RELN: variants seen among roughly 807,000 people sequenced by gnomAD.
RELN encodes the protein reelin.
In RELN, 108 loss-of-function variants were observed where a neutral mutation model predicts 427.6. That is an observed-to-expected ratio of 0.25 (90% CI 0.22 to 0.30). The LOEUF (loss-of-function observed/expected upper bound fraction) is 0.30, where lower values mean the gene tolerates loss of function less well. RELN is among the 10% of genes least tolerant of loss of function. The pLI is 1.00. For missense variants in RELN, 3,715 were observed against 4,302.8 expected, an observed-to-expected ratio of 0.86 and a Z score of 3.82; for synonymous variants, 1,524 against 1,513.4, an observed-to-expected ratio of 1.01 and a Z score of -0.16.
chr7:103,971,582 A>AC lies in RELN; in HGVS notation c.226+17548dup, dbSNP rs374688255. Among the ~76,000 whole-genome samples the AC allele has an allele frequency of 3.7e-3, 564 of 152,334 alleles. 1 individual carries two copies. The highest frequency in any genetic ancestry group is 0.013 in the African/African-American group (548 of 41,576). ...ACCAAAGACTAAAAAGAATTATATCACCCAGCATTTAGTGTGTGTATGCAG... is the reference window on the plus strand; with the variant it reads ...ACCAAAGACTAAAAAGAATTATATCACCCCAGCATTTAGTGTGTGTATGCAG... On this transcript the variant is annotated intron_variant, in intron 1 of 64. Coordinates refer to ENST00000428762, the MANE Select transcript of RELN (RefSeq NM_005045.4).
At chr7:103,855,984 A>C (rs563937036) in intron 2 of RELN, among the ~76,000 whole-genome samples, 15 of 152,264 alleles carry the variant, frequency 9.9e-5, no homozygotes, top group Admixed American at 8.5e-4. Context: ...ATACAAGTCA[A>C]CCCACAATAT....
chr7:103,905,269 C>A (rs963084611), intron 2 of RELN, among the ~76,000 whole-genome samples: 7 of 152,092 alleles, frequency 4.6e-5, no homozygotes, highest in African/African-American at 1.7e-4. Flanking sequence ...TGAGCCACTG[C>A]TTCCTGCCCT....
chr7:103,489,000 A>G (rs1828546768), intron 60 of RELN, among the ~76,000 whole-genome samples: 1 of 152,236 alleles, frequency 6.6e-6, no homozygotes, highest in African/African-American at 2.4e-5. Flanking sequence ...AATGTTAACT[A>G]TGGAAAGCGA....
At chr7:103,520,960 T>TG (rs1829689534) in intron 48 of RELN, among the ~76,000 whole-genome samples, 4 of 94,800 alleles carry the variant, frequency 4.2e-5, no homozygotes, top group African/African-American at 4.5e-5. Context: ...ATTTGTTATT[T>TG]TTTTTTTTTT....
intron 38 of RELN, among the ~76,000 whole-genome samples, chr7:103,555,391 C>G (rs971980523): frequency 4.6e-5 from 7 of 152,218 alleles, no homozygotes; most frequent in African/African-American, 1.7e-4. Flanking sequence ...CTAATCCTAT[C>G]AGTGTTCTAA....
At position 103,919,661 on chromosome 7, in the gene RELN, T is replaced by C. The variant is rs188683587; in HGVS notation, c.227-2476A>G. Reference sequence around the variant, plus strand: ...CTCCACACGCGCACCAGCTCTAATCTTTCCTCTGTGCCCTGACGACTTTCT... The same window carrying C: ...CTCCACACGCGCACCAGCTCTAATCCTTCCTCTGTGCCCTGACGACTTTCT... On this transcript the variant is annotated intron_variant, in intron 1 of 64. Transcript: ENST00000428762. 4.4e-4 allele frequency among the ~76,000 whole-genome samples: 67 copies of C among 152,270 alleles called. No individual in the cohort carries two copies. In the East Asian group the frequency reaches 0.011, roughly 26 times the overall value.
chr7:103,537,940 G>A (rs918483553), intron 45 of RELN, among the ~76,000 whole-genome samples: 3 of 152,184 alleles, frequency 2.0e-5, no homozygotes, highest in Non-Finnish European at 4.4e-5. Context: ...GTCATCTCTT[G>A]CTCCTTTGAG....
intron 51 of RELN, among the ~76,000 whole-genome samples, chr7:103,510,481 G>A (rs531458080): frequency 1.3e-5 from 2 of 150,546 alleles, no homozygotes; most frequent in African/African-American, 4.9e-5. Flanking sequence ...GCACTGTGGG[G>A]CCTGTCGGGG....
At chr7:103,623,919 T>TA (rs1832271760) in intron 20 of RELN, among the ~76,000 whole-genome samples, 1 of 152,196 alleles carries the variant, frequency 6.6e-6, no homozygotes, top group Admixed American at 6.6e-5. Flanking sequence ...CCTTATAACC[T>TA]ACACGTACCT....
intron 2 of RELN, among the ~76,000 whole-genome samples, chr7:103,870,630 A>G (rs188426047): frequency 9.9e-5 from 15 of 152,184 alleles, no homozygotes; most frequent in Non-Finnish European, 1.6e-4. Flanking sequence ...TATCTCAGCT[A>G]GATGCCCAGA....
At chr7:103,517,215 C>CT (rs1189006102) in intron 49 of RELN, among the ~76,000 whole-genome samples, 1 of 151,636 alleles carries the variant, frequency 6.6e-6, no homozygotes, top group African/African-American at 2.4e-5. Flanking sequence ...TGAGATGTTC[C>CT]TAACATTTAC....
At chr7:103,903,154 C>T (rs956263719) in intron 2 of RELN, among the ~76,000 whole-genome samples, 8 of 151,978 alleles carry the variant, frequency 5.3e-5, no homozygotes, top group Non-Finnish European at 1.0e-4. Flanking sequence ...AAGTTTATTC[C>T]CTGAAGCGTA....
chr7:103,963,131 C>CTTTTTTTTTTTTTT (rs767207596), intron 1 of RELN, among the ~76,000 whole-genome samples: 1 of 53,762 alleles, frequency 1.9e-5, no homozygotes. Flanking sequence ...CTCTTTTCGC[C>CTTTTTTTTTTTTTT]TTCTTTTTTT....
intron 8 of RELN, among the ~76,000 whole-genome samples, chr7:103,717,614 T>C (rs1401493556): frequency 6.6e-6 from 1 of 151,950 alleles, no homozygotes; most frequent in African/African-American, 2.4e-5. Context: ...AACATATGTA[T>C]TATTTTTGCC....
chr7:103,948,395 G>A (rs758142855), intron 1 of RELN, among the ~76,000 whole-genome samples: 3 of 151,938 alleles, frequency 2.0e-5, no homozygotes, highest in East Asian at 1.9e-4. Context: ...ATTTGGGGCC[G>A]AGTGTGGTGA....
intron 8 of RELN, among the ~76,000 whole-genome samples, chr7:103,708,357 A>G (rs1353499990): frequency 6.6e-6 from 1 of 152,192 alleles, no homozygotes; most frequent in Non-Finnish European, 1.5e-5. Flanking sequence ...AAAAGTAGGA[A>G]AAACAGACCT....
At chr7:103,628,908 A>G (rs1243740888) in intron 20 of RELN, among the ~76,000 whole-genome samples, 1 of 152,146 alleles carries the variant, frequency 6.6e-6, no homozygotes, top group African/African-American at 2.4e-5. Context: ...GAAGACCCTA[A>G]AAGATCTGGC....
At position 103,636,370 on chromosome 7, in the gene RELN, T is replaced by C. The variant is rs768119894; in HGVS notation, c.2168A>G (p.Tyr723Cys). 6.2e-7 allele frequency: 1 copy of C among 1,613,780 alleles called. No homozygotes were observed. The highest frequency in any genetic ancestry group is 8.5e-7 in the Non-Finnish European group (1 of 1,179,852). The change falls in exon 18 of 65, where the codon TAC (tyrosine) becomes TGC (cysteine). Residue 723 changes from tyrosine to cysteine, a missense_variant. Transcript: ENST00000428762. ...ACCACGGATAGAGTAAAAGTTATGG[T>C]AAGAGGAGAGCCTGGAACTGCCAAA... ...ESFGSSRLSS[Y>C]HNFYSIRGAE...
intron 19 of RELN, among the ~76,000 whole-genome samples, chr7:103,634,939 A>T (rs1266577681): frequency 6.6e-6 from 1 of 151,868 alleles, no homozygotes; most frequent in Middle Eastern, 3.2e-3. Flanking sequence ...GCTCACTGCA[A>T]TCTCTGCCTG....
Sources: allele counts gnomAD v4.1 joint callset (sites outside exome capture counted in the v4.1 genomes callset), GRCh38; gene constraint gnomAD v4.1.1; transcripts MANE v1.5; gene names NCBI Gene and HGNC (gene_info 2026-07-23, HGNC 2026-07-21).